The following SPATS2 variants were observed in gnomAD, a reference collection of about 807,000 sequenced individuals.
The protein encoded by SPATS2 is spermatogenesis associated serine rich 2, also known as spermatogenesis-associated serine-rich protein 2.
Under a neutral mutation model 63.7 loss-of-function variants are expected in SPATS2, and 38 were observed. The observed-to-expected ratio is 0.60, with a 90% CI of 0.46 to 0.78. The LOEUF is 0.78. Ranked by LOEUF, SPATS2 falls within the 30% of genes least tolerant of loss-of-function variation. The pLI is 0.00. For synonymous variants in SPATS2, 207 were observed against 232.9 expected (o/e 0.89, Z 1.01); for missense variants, 588 against 666.2 (o/e 0.88, Z 1.29).
chr12:49,457,495 G>A (rs990230008), intron 2 of SPATS2, among the ~76,000 whole-genome samples: 3 of 151,484 alleles, frequency 2.0e-5, no homozygotes, highest in African/African-American at 7.3e-5. Context: ...ATGCAGTGGC[G>A]TGATCTCAGC....
intron 2 of SPATS2, among the ~76,000 whole-genome samples, chr12:49,447,362 C>T (rs1945531609): frequency 6.6e-6 from 1 of 152,188 alleles, no homozygotes; most frequent in South Asian, 2.1e-4. Context: ...CCTCAGCCTC[C>T]CAAGTAGCTG....
intron 2 of SPATS2, among the ~76,000 whole-genome samples, chr12:49,451,726 A>T (rs1024057077): frequency 6.6e-6 from 1 of 152,180 alleles, no homozygotes; most frequent in African/African-American, 2.4e-5. Context: ...TTCTTTGGGT[A>T]CAGTCGGGTT....
rs1211722462 is a variant in SPATS2 at position 49,516,594 on chromosome 12, T to C, written c.898+1981T>C. ...GGTGGCATGCGCCTGTAGTCCCAGC[T>C]ACTCGGGAGGCTGAGGCAGGAGAAT... On this transcript the variant is annotated intron_variant, in intron 10 of 13. Coordinates refer to ENST00000552918, the MANE Select transcript of SPATS2 (RefSeq NM_023071.4). Among the ~76,000 whole-genome samples the C allele has an allele frequency of 5.9e-5, 9 of 151,342 alleles. No individual in the cohort carries two copies. In the East Asian group the frequency reaches 1.4e-3, roughly 23 times the overall value.
chr12:49,479,632 A>G (rs1030676925), intron 3 of SPATS2, among the ~76,000 whole-genome samples: 5 of 152,134 alleles, frequency 3.3e-5, no homozygotes, highest in African/African-American at 1.2e-4. Context: ...CAGAAGGGGT[A>G]GGGCTCCTGC....
intron 3 of SPATS2, among the ~76,000 whole-genome samples, chr12:49,483,848 G>A (rs1214867765): frequency 6.6e-6 from 1 of 152,118 alleles, no homozygotes; most frequent in Non-Finnish European, 1.5e-5. Flanking sequence ...AGATTCCCTA[G>A]GTGGTAAGTA....
rs1327983666 is a variant in SPATS2, at chr12:49,524,701, C to T, written c.1131C>T (p.Ser377=). Residue 377 remains serine (S), a synonymous_variant, in exon 13 of 14, where the codon AGC becomes AGT. Coordinates refer to ENST00000552918, the MANE Select transcript of SPATS2 (RefSeq NM_023071.4). The part of the protein sequence containing the change: ...SFGQVSHPKN[S]YSTRSRCSSV... ...TTTCAGTGTCTCATCCAAAGAACAG[C>T]TATTCGACCAGATCCCGATGTAGCT... 6.2e-7 allele frequency: 1 copy of T among 1,614,074 alleles called. No homozygotes were observed. The highest frequency in any genetic ancestry group is 8.5e-7 in the Non-Finnish European group (1 of 1,180,044).
chr12:49,398,915 A>G (rs1351872206), intron 2 of SPATS2, among the ~76,000 whole-genome samples: 2 of 152,134 alleles, frequency 1.3e-5, no homozygotes, highest in Non-Finnish European at 2.9e-5. Context: ...ATTTCCTACA[A>G]TTTCAATGAA....
At chr12:49,489,384 T>C in intron 4 of SPATS2, 81 bp from the exon 5 acceptor site, 1 of 1,010,478 alleles carries the variant, frequency 9.9e-7, no homozygotes, top group Non-Finnish European at 1.5e-6. Flanking sequence ...AATATCACTC[T>C]TTTCATTATT....
intron 9 of SPATS2, among the ~76,000 whole-genome samples, chr12:49,514,073 C>T (rs1019075893): frequency 2.0e-5 from 3 of 151,306 alleles, no homozygotes; most frequent in African/African-American, 7.3e-5. Flanking sequence ...AGGAGAATGG[C>T]GTGAACCCGG....
intron 3 of SPATS2, among the ~76,000 whole-genome samples, chr12:49,466,901 C>T (rs1035094545): frequency 2.0e-5 from 3 of 152,102 alleles, no homozygotes; most frequent in Admixed American, 2.0e-4. Context: ...ATCATCTTAA[C>T]AACATGGAAG....
intron 4 of SPATS2, among the ~76,000 whole-genome samples, chr12:49,488,313 G>T (rs1340145896): frequency 6.6e-6 from 1 of 151,926 alleles, no homozygotes; most frequent in Non-Finnish European, 1.5e-5. Context: ...AAAGTGCTGG[G>T]ATTACAGGTG....
intron 9 of SPATS2, among the ~76,000 whole-genome samples, chr12:49,506,467 T>C (rs1946655913): frequency 6.6e-6 from 1 of 152,136 alleles, no homozygotes; most frequent in South Asian, 2.1e-4. Context: ...CATCAGCTCT[T>C]TTGAGACCTA....
intron 2 of SPATS2, among the ~76,000 whole-genome samples, chr12:49,451,992 A>G (rs958396527): frequency 6.6e-6 from 1 of 152,166 alleles, no homozygotes; most frequent in East Asian, 1.9e-4. Context: ...TTCCCTGTAC[A>G]TGATGAAGTA....
intron 3 of SPATS2, among the ~76,000 whole-genome samples, chr12:49,477,072 C>T (rs964218035): frequency 7.3e-5 from 11 of 151,292 alleles, no homozygotes; most frequent in East Asian, 5.8e-4. Flanking sequence ...CATTACACTC[C>T]GGCCTGGGCA....
chr12:49,420,960 T>C (rs954222101), intron 2 of SPATS2, among the ~76,000 whole-genome samples: 6 of 152,272 alleles, frequency 3.9e-5, no homozygotes, highest in African/African-American at 1.4e-4. Flanking sequence ...CAAGCTGTAA[T>C]TGTACCACTG....
intron 2 of SPATS2, chr12:49,389,815 C>G (rs182041851): frequency 9.3e-6 from 9 of 966,168 alleles, no homozygotes; most frequent in Middle Eastern, 2.2e-4. Context: ...TTGGAACTTA[C>G]GATGAGCAAG....
intron 2 of SPATS2, among the ~76,000 whole-genome samples, chr12:49,437,616 T>C (rs1438180493): frequency 2.6e-5 from 4 of 152,186 alleles, no homozygotes; most frequent in South Asian, 2.1e-4. Flanking sequence ...CACTCGCGGT[T>C]AGGAGCTGGA....
intron 9 of SPATS2, among the ~76,000 whole-genome samples, chr12:49,510,338 G>T (rs1479283983): frequency 6.6e-6 from 1 of 151,542 alleles, no homozygotes; most frequent in African/African-American, 2.4e-5. Flanking sequence ...GATGTGGATG[G>T]ATCGCTTGAG....
Position 49,522,820 on chromosome 12 carries a change from A to C in SPATS2, c.1078A>C (p.Thr360Pro). ...RVARFTCDVETLKKSIDSFGQ... is the reference protein window; with the variant it reads ...RVARFTCDVEPLKKSIDSFGQ... ...AGCCCGGTTCACCTGTGATGTAGAG[A>C]CCCTAAAGAAGAGCATTGATTCATT... The change falls in exon 12 of 14, where the codon ACC (threonine) becomes CCC (proline). Residue 360 changes from threonine to proline, a missense_variant. Thr to Pro is a conservative substitution (Grantham distance 38). Coordinates refer to ENST00000552918, the MANE Select transcript of SPATS2 (RefSeq NM_023071.4). The C allele has an allele frequency of 1.2e-6, 2 of 1,613,704 alleles. No homozygotes were observed. Among genetic ancestry groups the C allele is most frequent in the Non-Finnish European group, 1.7e-6 (2 of 1,179,732 alleles).
Sources: gnomAD v4.1 joint callset for allele counts (sites outside exome capture counted in the v4.1 genomes callset) on GRCh38, gnomAD v4.1.1 for gene constraint, MANE v1.5 for transcripts, NCBI Gene and HGNC (gene_info 2026-07-23, HGNC 2026-07-21) for gene names.